Variants in CCAR1 observed in about 807,000 individuals in gnomAD.
The protein encoded by CCAR1 is cell division cycle and apoptosis regulator 1.
Under a neutral mutation model 163.8 loss-of-function variants are expected in CCAR1, and 78 were observed. The observed-to-expected ratio is 0.48, with a 90% confidence interval of 0.40 to 0.57. The LOEUF (loss-of-function observed/expected upper bound fraction) is 0.57. Ranked by LOEUF, CCAR1 falls within the 20% of genes least tolerant of loss-of-function variation. The pLI is 0.00. For synonymous variants in CCAR1, 443 were observed against 460.7 expected (o/e 0.96, Z 0.49); for missense variants, 1,019 against 1,365.2 (o/e 0.75, Z 4.00).
chr10:68,748,719 C>G (rs1201064549), intron 8 of CCAR1, among the ~76,000 whole-genome samples: 2 of 151,762 alleles, frequency 1.3e-5, no homozygotes, highest in Non-Finnish European at 2.9e-5. Flanking sequence ...TTCTTTTTTT[C>G]TTTCTTTTTT....
At position 68,740,648 on chromosome 10, in the gene CCAR1, C is replaced by A; in HGVS notation, c.311C>A (p.Thr104Asn). The A allele has an allele frequency of 6.2e-7, 1 of 1,611,326 alleles. No individual in the cohort carries two copies. Among genetic ancestry groups the A allele is most frequent in the Non-Finnish European group, 8.5e-7 (1 of 1,178,630 alleles). Residue 104 changes from threonine to asparagine, a missense_variant, in exon 5 of 25, where the codon ACC becomes AAC. Coordinates refer to ENST00000265872, the MANE Select transcript of CCAR1 (RefSeq NM_018237.4). ...TTTCAGTTACAGCAACCCCAGCAAA[C>A]CCTCTTAACACAGGTTAGTTGGTAT... The part of the protein sequence containing the change: ...VQQQLQQPQQ[T>N]LLTQPAVALP...
chr10:68,747,277 T>A lies in CCAR1; in HGVS notation c.633+2T>A. 1 of 1,595,472 alleles carries A rather than the reference T, an allele frequency of 6.3e-7. No homozygotes were observed. The highest frequency in any genetic ancestry group is 8.6e-7 in the Non-Finnish European group (1 of 1,166,872). ...AGAATTCAAACACTACCAAATCAGGTACAGAAAGTATTGAGTTAGGTATTA... is the reference window on the plus strand; with the variant it reads ...AGAATTCAAACACTACCAAATCAGGAACAGAAAGTATTGAGTTAGGTATTA... On this transcript the variant is annotated splice_donor_variant, in intron 7 of 24. Transcript: ENST00000265872. LOFTEE classifies it high-confidence loss of function.
At chr10:68,738,656 C>T (rs774669844) in intron 4 of CCAR1, among the ~76,000 whole-genome samples, 2 of 151,952 alleles carry the variant, frequency 1.3e-5, no homozygotes, top group Non-Finnish European at 2.9e-5. Context: ...ACACCTACTA[C>T]AGCCTTTATT....
chr10:68,746,316 G>A (rs1289543085), intron 6 of CCAR1, among the ~76,000 whole-genome samples: 1 of 151,668 alleles, frequency 6.6e-6, no homozygotes, highest in Admixed American at 6.6e-5. Flanking sequence ...TCACTCTATC[G>A]CCCAGGCTGG....
intron 17 of CCAR1, among the ~76,000 whole-genome samples, chr10:68,770,457 G>A (rs1279240604): frequency 1.3e-5 from 2 of 152,230 alleles, no homozygotes; most frequent in Admixed American, 6.5e-5. Flanking sequence ...ATTAACGGTT[G>A]GTTGGCTTCG....
In CCAR1 at chr10:68,788,320, A is replaced by G. The variant is rs769835708; in HGVS notation, c.3179A>G (p.Glu1060Gly). The G allele has an allele frequency of 6.4e-7, 1 of 1,561,248 alleles. No individual in the cohort carries two copies. The highest frequency in any genetic ancestry group is 8.6e-7 in the Non-Finnish European group (1 of 1,162,616). Residue 1060 changes from glutamate (E) to glycine (G), a missense_variant, in exon 23 of 25, where the codon GAA (glutamate) becomes GGA (glycine). Physicochemically the swap from Glu to Gly is moderately conservative, Grantham distance 98 (BLOSUM62 -2). This residue lies in a region of CCAR1 where 358 missense variants were observed against 406.4 expected (regional missense o/e 0.88). Transcript: ENST00000265872. Reference protein sequence around the residue: ...EVEQKLQLLEEKTDEDEKTIL... With the variant: ...EVEQKLQLLEGKTDEDEKTIL... Reference sequence around the variant, plus strand: ...GAACAGAAGCTGCAGTTACTAGAAGAAAAAACAGGTAAGGGTCAGCTTTGA... The same window carrying G: ...GAACAGAAGCTGCAGTTACTAGAAGGAAAAACAGGTAAGGGTCAGCTTTGA...
intron 19 of CCAR1, among the ~76,000 whole-genome samples, chr10:68,777,570 G>C (rs2056681869): frequency 6.6e-6 from 1 of 152,104 alleles, no homozygotes; most frequent in Non-Finnish European, 1.5e-5. Context: ...TGTAATCCCA[G>C]CTGCTCAAGA....
chr10:68,751,955 C>T (rs1337675182), intron 10 of CCAR1, among the ~76,000 whole-genome samples: 19 of 137,176 alleles, frequency 1.4e-4, no homozygotes, highest in African/African-American at 4.4e-4. Flanking sequence ...CTTGCTCTGT[C>T]GCCCAGGCTG....
intron 19 of CCAR1, chr10:68,774,952 T>C: frequency 2.5e-6 from 1 of 392,314 alleles, no homozygotes; most frequent in Non-Finnish European, 4.8e-6. Context: ...TTTTTTACAG[T>C]TTGTGTCTCT....
chr10:68,726,527 C>T (rs2055949629), intron 2 of CCAR1, among the ~76,000 whole-genome samples: 1 of 152,142 alleles, frequency 6.6e-6, no homozygotes, highest in African/African-American at 2.4e-5. Context: ...AAGCTTTTCT[C>T]CTCCCATCTC....
chr10:68,749,441 A>T, intron 9 of CCAR1, 83 bp from the exon 10 acceptor site: 1 of 1,288,408 alleles, frequency 7.8e-7, no homozygotes, highest in Non-Finnish European at 1.1e-6. Flanking sequence ...ATTCTTGCTT[A>T]TATTACCTAC....
At chr10:68,755,566 G>T (rs1189586837) in intron 13 of CCAR1, 30 bp downstream of exon 13, 1 of 1,569,386 alleles carries the variant, frequency 6.4e-7, no homozygotes, top group Non-Finnish European at 8.7e-7. Flanking sequence ...TTGATTAGAA[G>T]TGTTTTACTG....
At chr10:68,785,046 T>C (rs972090028) in intron 19 of CCAR1, among the ~76,000 whole-genome samples, 5 of 150,512 alleles carry the variant, frequency 3.3e-5, no homozygotes, top group African/African-American at 1.2e-4. Flanking sequence ...GCCTCCCGAG[T>C]AGCTGGGACT....
intron 19 of CCAR1, among the ~76,000 whole-genome samples, chr10:68,775,329 A>G (rs1296023369): frequency 1.3e-5 from 2 of 152,114 alleles, no homozygotes; most frequent in African/African-American, 4.8e-5. Context: ...ATATTCATAC[A>G]GCAGTGTTTA....
At chr10:68,764,730 A>C (rs1048950673) in intron 16 of CCAR1, among the ~76,000 whole-genome samples, 3 of 152,180 alleles carry the variant, frequency 2.0e-5, no homozygotes, top group Non-Finnish European at 4.4e-5. Flanking sequence ...TCTACCAATC[A>C]GATACTCACT....
At chr10:68,775,399 TC>T (rs1217749117) in intron 19 of CCAR1, among the ~76,000 whole-genome samples, 1 of 152,076 alleles carries the variant, frequency 6.6e-6, no homozygotes, top group Non-Finnish European at 1.5e-5. Flanking sequence ...CCATTTTCTC[TC>T]CCCTGTACGC....
In CCAR1 at chr10:68,776,816, C is replaced by G. The variant is rs147735582; in HGVS notation, c.2650+3717C>G. Among the ~76,000 whole-genome samples the G allele has an allele frequency of 2.8e-3, 420 of 152,290 alleles. 3 individuals are homozygous for G. Among genetic ancestry groups the G allele is most frequent in the African/African-American group, 9.4e-3 (392 of 41,566 alleles). ...CCTCTGCCTTGGCCTCCCAAAAGTG[C>G]TGGGATTACAAGGATGTGCCAAGCC... On this transcript the variant is annotated intron_variant, in intron 19 of 24. Coordinates refer to ENST00000265872, the MANE Select transcript of CCAR1 (RefSeq NM_018237.4).
chr10:68,787,348 C>A (rs2056806707), intron 21 of CCAR1, among the ~76,000 whole-genome samples: 1 of 151,992 alleles, frequency 6.6e-6, no homozygotes, highest in South Asian at 2.1e-4. Context: ...TGCACAGTAC[C>A]CATTATACAG....
At chr10:68,783,377 G>C (rs980699450) in intron 19 of CCAR1, among the ~76,000 whole-genome samples, 1 of 151,738 alleles carries the variant, frequency 6.6e-6, no homozygotes, top group Non-Finnish European at 1.5e-5. Context: ...ATTTCACCAC[G>C]TTAGCCAGGA....
Sources: gnomAD v4.1 joint callset for allele counts (sites outside exome capture counted in the v4.1 genomes callset) on GRCh38, gnomAD v4.1.1 for gene constraint, gnomAD v4.1.1 regional missense constraint, MANE v1.5 for transcripts, NCBI Gene and HGNC (gene_info 2026-07-23, HGNC 2026-07-21) for gene names.